Variants in WDFY1 observed in about 807,000 individuals in gnomAD.
The protein encoded by WDFY1 is WD repeat and FYVE domain-containing protein 1.
Under a neutral mutation model 56.4 loss-of-function variants are expected in WDFY1, and 32 were observed. That is an observed-to-expected ratio of 0.57 (90% CI 0.43 to 0.76). The LOEUF is 0.76. Ranked by LOEUF, WDFY1 falls within the 30% of genes least tolerant of loss-of-function variation. WDFY1 has a pLI of 0.00. For missense variants in WDFY1, 480 were observed against 545.7 expected (o/e 0.88, Z 1.20); for synonymous variants, 192 against 197.3 (o/e 0.97, Z 0.23).
intron 2 of WDFY1, among the ~76,000 whole-genome samples, chr2:223,914,448 T>C (rs1198971038): frequency 6.6e-6 from 1 of 152,232 alleles, no homozygotes; most frequent in Non-Finnish European, 1.5e-5. Context: ...TCATTTATGA[T>C]TGCTTGCATG....
chr2:223,891,394 A>AAAAAAAAAAAAAAAAG (rs1259294589), intron 8 of WDFY1, among the ~76,000 whole-genome samples: 1 of 150,022 alleles, frequency 6.7e-6, no homozygotes, highest in African/African-American at 2.4e-5. Context: ...AAAAAAAAAA[A>AAAAAAAAAAAAAAAAG]AGCCCAAAAA....
At chr2:223,930,934 A>G (rs904328561) in intron 1 of WDFY1, among the ~76,000 whole-genome samples, 4 of 152,258 alleles carry the variant, frequency 2.6e-5, no homozygotes, top group African/African-American at 4.8e-5. Flanking sequence ...GGCTGAGGCC[A>G]GAAGCACTGC....
At chr2:223,893,616 C>A (rs998571054) in intron 8 of WDFY1, among the ~76,000 whole-genome samples, 4 of 151,972 alleles carry the variant, frequency 2.6e-5, no homozygotes, top group African/African-American at 9.7e-5. Flanking sequence ...TCATTTCATT[C>A]CACAATTCCA....
chr2:223,880,353 C>A, intron 10 of WDFY1, 121 bp from the exon 11 acceptor site: 1 of 802,718 alleles, frequency 1.2e-6, no homozygotes. Flanking sequence ...ATGTCTGTAC[C>A]CCCAGCACTT....
intron 1 of WDFY1, among the ~76,000 whole-genome samples, chr2:223,933,060 G>A (rs1210101984): frequency 6.6e-6 from 1 of 152,046 alleles, no homozygotes; most frequent in Admixed American, 6.6e-5. Context: ...TTCTCCTTTG[G>A]TAACAGGGAG....
chr2:223,917,852 G>A (rs1402777195), intron 2 of WDFY1, 91 bp downstream of exon 2: 4 of 1,482,660 alleles, frequency 2.7e-6, no homozygotes, highest in Non-Finnish European at 3.7e-6. Context: ...GATTACAGGT[G>A]TGAGCCACCA....
chr2:223,897,383 TA>T (rs60302295), intron 6 of WDFY1, among the ~76,000 whole-genome samples: 1,705 of 74,300 alleles, frequency 0.023, 109 homozygotes, highest in African/African-American at 0.12. Flanking sequence ...TATATATATA[TA>T]TATATATTTT....
intron 1 of WDFY1, among the ~76,000 whole-genome samples, chr2:223,927,423 A>G (rs1327593462): frequency 1.3e-5 from 2 of 152,176 alleles, no homozygotes; most frequent in African/African-American, 4.8e-5. Flanking sequence ...TTGCACTTTT[A>G]TGTTATGTAG....
intron 1 of WDFY1, among the ~76,000 whole-genome samples, chr2:223,922,397 C>T (rs1693902501): frequency 6.6e-6 from 1 of 152,192 alleles, no homozygotes; most frequent in Admixed American, 6.5e-5. Context: ...GAAGCCAAAA[C>T]CATTGAAATA....
chr2:223,936,078 TGGGGACAGAG>T (rs1694164824), intron 1 of WDFY1, among the ~76,000 whole-genome samples: 1 of 75,966 alleles, frequency 1.3e-5, no homozygotes. Flanking sequence ...TTTTTTTTTT[TGGGGACAGAG>T]TCTTGCTTTA....
At chr2:223,887,290 T>TAA (rs1693189020) in intron 8 of WDFY1, among the ~76,000 whole-genome samples, 1 of 152,140 alleles carries the variant, frequency 6.6e-6, no homozygotes, top group Non-Finnish European at 1.5e-5. Context: ...GGAAAGTTCT[T>TAA]ATGTCTGGGA....
rs534015581 is a variant in WDFY1 at position 223,922,219 on chromosome 2, A to C, written c.138-4209T>G. ...AGACAGTGTTTTCTGAGCAGATCAC[A>C]GGATGGATGCCATTTCAGCATAACT... On this transcript the variant is annotated intron_variant, in intron 1 of 11. Coordinates refer to ENST00000233055, the MANE Select transcript of WDFY1 (RefSeq NM_020830.5). Among the ~76,000 whole-genome samples the C allele has an allele frequency of 1.8e-4, 28 of 152,356 alleles. No individual in the cohort carries two copies. The South Asian group carries it at 2.7e-3, about 15-fold the overall frequency.
rs115114882 is a variant in WDFY1 at position 223,878,073 on chromosome 2, C to G, written c.*598G>C. On this transcript the variant is annotated 3_prime_UTR_variant, in exon 12 of 12. Transcript: ENST00000233055. Reference sequence around the variant, plus strand: ...TGGGAAGAGAAACAACTGAAGCAAGCCAATGCTAAGTGCAGATTATGGCAC... The same window carrying G: ...TGGGAAGAGAAACAACTGAAGCAAGGCAATGCTAAGTGCAGATTATGGCAC... 2,006 of 152,616 alleles carry G rather than the reference C, an allele frequency of 0.013. 40 individuals are homozygous for G. Among genetic ancestry groups the G allele is most frequent in the African/African-American group, 0.045 (1,863 of 41,546 alleles). 9.5% of individuals were successfully genotyped at this position (152,616 alleles called of 1,614,324 possible). A position where few individuals can be genotyped will look rare whatever the true frequency, so the allele number is the denominator to read the frequency against.
At chr2:223,918,203 C>A (rs1693823336) in intron 1 of WDFY1, among the ~76,000 whole-genome samples, 193 bp from the exon 2 acceptor site, 1 of 151,610 alleles carries the variant, frequency 6.6e-6, no homozygotes, top group Non-Finnish European at 1.5e-5. Context: ...ATATTATATA[C>A]AGATACATAT....
intron 1 of WDFY1, among the ~76,000 whole-genome samples, chr2:223,935,746 C>T (rs1694158318): frequency 1.3e-5 from 2 of 152,152 alleles, no homozygotes; most frequent in Non-Finnish European, 2.9e-5. Context: ...ATTAACTAGG[C>T]ATCATCAGTA....
chr2:223,929,133 C>G (rs1177822538), intron 1 of WDFY1, among the ~76,000 whole-genome samples: 2 of 151,698 alleles, frequency 1.3e-5, no homozygotes, highest in Non-Finnish European at 2.9e-5. Flanking sequence ...TAAACTGTGC[C>G]TCTCCATCAG....
intron 1 of WDFY1, among the ~76,000 whole-genome samples, chr2:223,920,330 G>A (rs1457003811): frequency 6.6e-6 from 1 of 152,232 alleles, no homozygotes; most frequent in African/African-American, 2.4e-5. Flanking sequence ...CACGCGGCCA[G>A]GCCCATGAGG....
chr2:223,882,811 T>C (rs1559161791), intron 9 of WDFY1, among the ~76,000 whole-genome samples: 1 of 152,136 alleles, frequency 6.6e-6, no homozygotes, highest in Non-Finnish European at 1.5e-5. Flanking sequence ...CACTGCGGCC[T>C]TGACCTCCCA....
rs1693326507 is a variant in WDFY1, at chr2:223,894,356, C to T, written c.726-17G>A. 1.2e-6 allele frequency: 2 copies of T among 1,613,538 alleles called. No individual in the cohort carries two copies. On this transcript the variant is annotated splice_polypyrimidine_tract_variant and intron_variant, in intron 7 of 11. Transcript: ENST00000233055. ...ACCTTGTCACTGCAAACAGCACACA[C>T]AACAGTCACTTGTCTCCATGCGGAA...
Sources: gnomAD v4.1 joint callset for allele counts (sites outside exome capture counted in the v4.1 genomes callset) on GRCh38, gnomAD v4.1.1 for gene constraint, MANE v1.5 for transcripts, NCBI Gene and HGNC (gene_info 2026-07-23, HGNC 2026-07-21) for gene names.